NXPE2: variants seen among roughly 807,000 people sequenced by gnomAD.
NXPE2 encodes the protein NXPE family member 2.
In NXPE2, 34 loss-of-function variants were observed where a neutral mutation model predicts 34.4. The ratio of observed to expected loss-of-function variants is 0.99; its 90% CI spans 0.75 to 1.31. The LOEUF is 1.31. NXPE2 is among the 40% of genes most tolerant of loss of function. The probability of loss-of-function intolerance (pLI) is 0.00; values close to 1 mark genes in which losing one functional copy is unlikely to be tolerated. For synonymous variants in NXPE2, 235 were observed against 231.3 expected (o/e 1.02, Z -0.15); for missense variants, 649 against 672.5 (o/e 0.97, Z 0.39).
the NXPE2 span, among the ~76,000 whole-genome samples, chr11:114,601,336 A>G: frequency 1.0e-4 from 15 of 148,490 alleles, no homozygotes; most frequent in Non-Finnish European, 2.2e-4. Context: ...AAGTGAGAAT[A>G]TGTGGTATTT....
At chr11:114,506,672 C>T in the NXPE2 span, among the ~76,000 whole-genome samples, 1 of 152,172 alleles carries the variant, frequency 6.6e-6, no homozygotes, top group Non-Finnish European at 1.5e-5. Context: ...TCAAGAAGTT[C>T]TTTGAAACTA....
At chr11:114,647,984 G>A in the NXPE2 span, among the ~76,000 whole-genome samples, 1 of 152,140 alleles carries the variant, frequency 6.6e-6, no homozygotes, top group African/African-American at 2.4e-5. Flanking sequence ...ACAGGCATGA[G>A]CCACTGTTGC....
At chr11:114,579,707 G>A in the NXPE2 span, among the ~76,000 whole-genome samples, 1 of 152,196 alleles carries the variant, frequency 6.6e-6, no homozygotes, top group Admixed American at 6.5e-5. Context: ...CTGAGGGATG[G>A]AATGGTTATG....
chr11:114,521,313 T>C, the NXPE2 span, among the ~76,000 whole-genome samples: 1 of 152,236 alleles, frequency 6.6e-6, no homozygotes, highest in Admixed American at 6.5e-5. Flanking sequence ...TCATGGATTT[T>C]ATATATTATG....
the NXPE2 span, chr11:114,580,098 AG>A: frequency 1.3e-6 from 2 of 1,525,776 alleles, no homozygotes; most frequent in Middle Eastern, 3.4e-4. Context: ...AGTTTCTGAA[AG>A]GGGTAAGAAT....
the NXPE2 span, among the ~76,000 whole-genome samples, chr11:114,473,926 G>C: frequency 6.6e-6 from 1 of 152,112 alleles, no homozygotes; most frequent in Non-Finnish European, 1.5e-5. Flanking sequence ...TGACTTAAAT[G>C]TGTGTTTGAG....
At chr11:114,532,259 GA>G in the NXPE2 span, among the ~76,000 whole-genome samples, 831 of 152,210 alleles carry the variant, frequency 5.5e-3, 16 homozygotes, top group African/African-American at 0.019. Flanking sequence ...TTGAAGTTTT[GA>G]AAAAACCTTG....
the NXPE2 span, among the ~76,000 whole-genome samples, chr11:114,573,404 C>T: frequency 2.0e-3 from 310 of 152,128 alleles, no homozygotes; most frequent in African/African-American, 7.1e-3. Context: ...CTACTTAAAA[C>T]GTACAGAATG....
At chr11:114,573,303 AAAAC>A in the NXPE2 span, among the ~76,000 whole-genome samples, 4 of 152,138 alleles carry the variant, frequency 2.6e-5, no homozygotes, top group African/African-American at 9.7e-5. Context: ...AATGAAAAGA[AAAAC>A]AAGGTATTTA....
At chr11:114,635,664 T>C in the NXPE2 span, among the ~76,000 whole-genome samples, 1 of 151,914 alleles carries the variant, frequency 6.6e-6, no homozygotes, top group Non-Finnish European at 1.5e-5. Flanking sequence ...ATTGAGAGTT[T>C]TTAGCCTGAA....
At chr11:114,476,833 A>G in the NXPE2 span, among the ~76,000 whole-genome samples, 28 of 152,292 alleles carry the variant, frequency 1.8e-4, no homozygotes, top group African/African-American at 6.3e-4. Context: ...GCTAAACCAT[A>G]TCAATAGTGT....
At chr11:114,581,221 G>A in the NXPE2 span, among the ~76,000 whole-genome samples, 1 of 152,032 alleles carries the variant, frequency 6.6e-6, no homozygotes, top group Non-Finnish European at 1.5e-5. Flanking sequence ...CAAAGAAATT[G>A]GAGAGAAATT....
chr11:114,679,795 A>C (rs1177906533), intron 2 of NXPE2, 33 bp downstream of exon 2: 2 of 1,339,206 alleles, frequency 1.5e-6, no homozygotes, highest in Non-Finnish European at 2.1e-6. Flanking sequence ...ATTTCACAGA[A>C]GGTCACGGTG....
chr11:114,565,894 A>G, the NXPE2 span, among the ~76,000 whole-genome samples: 1 of 152,306 alleles, frequency 6.6e-6, no homozygotes, highest in African/African-American at 2.4e-5. Context: ...GATGGTAGCA[A>G]TGGAGATAGA....
chr11:114,746,637 G>T, the NXPE2 span, among the ~76,000 whole-genome samples: 2 of 152,090 alleles, frequency 1.3e-5, no homozygotes, highest in East Asian at 3.9e-4. Flanking sequence ...GGATCATGAG[G>T]TCAGGAGATC....
the NXPE2 span, among the ~76,000 whole-genome samples, chr11:114,625,159 G>A: frequency 6.6e-6 from 1 of 152,148 alleles, no homozygotes; most frequent in African/African-American, 2.4e-5. Context: ...ATTGCCTTGT[G>A]GGTAACCACT....
the NXPE2 span, among the ~76,000 whole-genome samples, chr11:114,633,002 A>T: frequency 9.4e-6 from 1 of 105,862 alleles, no homozygotes; most frequent in Non-Finnish European, 1.7e-5. Context: ...AATATATAAT[A>T]ATATATATTA....
At chr11:114,575,216 C>A in the NXPE2 span, among the ~76,000 whole-genome samples, 1 of 152,058 alleles carries the variant, frequency 6.6e-6, no homozygotes, top group African/African-American at 2.4e-5. Context: ...CCATCTACAA[C>A]AAACCCCTAG....
chr11:114,475,163 A>G, the NXPE2 span, among the ~76,000 whole-genome samples: 1 of 149,838 alleles, frequency 6.7e-6, no homozygotes, highest in East Asian at 2.0e-4. Flanking sequence ...TCAGTTTCCA[A>G]CATTTTATCC....
Sources: allele counts gnomAD v4.1 joint callset (sites outside exome capture counted in the v4.1 genomes callset), GRCh38; gene constraint gnomAD v4.1.1; transcripts MANE v1.5; gene names NCBI Gene and HGNC (gene_info 2026-07-23, HGNC 2026-07-21).